Variants in BMP2K observed in about 807,000 individuals in gnomAD.
BMP2K encodes the protein BMP2 inducible kinase.
BMP2K carries 74 observed loss-of-function variants against 116.0 expected under a neutral mutation model. The observed-to-expected ratio is 0.64, with a 90% CI of 0.53 to 0.77. The LOEUF (loss-of-function observed/expected upper bound fraction) is 0.77. BMP2K is among the 30% of genes least tolerant of loss of function. The pLI, the probability that BMP2K is intolerant of heterozygous loss-of-function variation, is 0.00. For missense variants in BMP2K, 1,365 were observed against 1,403.6 expected (o/e 0.97, Z 0.44); for synonymous variants, 486 against 502.5 (o/e 0.97, Z 0.44).
At chr4:78,834,987 C>A (rs1377056560) in intron 3 of BMP2K, among the ~76,000 whole-genome samples, 6 of 151,986 alleles carry the variant, frequency 3.9e-5, no homozygotes, top group Admixed American at 3.3e-4. Flanking sequence ...TTTTTCTACC[C>A]CATTTTCCTG....
At chr4:78,788,928 G>A (rs943808642) in intron 1 of BMP2K, among the ~76,000 whole-genome samples, 1 of 144,734 alleles carries the variant, frequency 6.9e-6, no homozygotes, top group African/African-American at 2.6e-5. Flanking sequence ...ATACACTAAA[G>A]GTATTTCAAA....
intron 8 of BMP2K, among the ~76,000 whole-genome samples, chr4:78,860,353 G>A (rs1731714169): frequency 1.3e-5 from 2 of 151,628 alleles, no homozygotes; most frequent in South Asian, 4.2e-4. Context: ...TTTTTAAAAA[G>A]CACAGGCAAT....
intron 15 of BMP2K, among the ~76,000 whole-genome samples, chr4:78,887,870 AAG>A (rs1733185732): frequency 6.6e-6 from 1 of 152,178 alleles, no homozygotes. Flanking sequence ...AGTGGAAAAA[AAG>A]AGTTTTAATC....
chr4:78,803,831 T>C lies in BMP2K; in HGVS notation c.179-22206T>C, dbSNP rs115308603. 1.4e-3 allele frequency among the ~76,000 whole-genome samples: 210 copies of C among 152,366 alleles called. 1 individual carries two copies. The highest frequency in any genetic ancestry group is 4.9e-3 in the African/African-American group (202 of 41,592). On this transcript the variant is annotated intron_variant, in intron 1 of 15. Coordinates refer to ENST00000502613, the MANE Select transcript of BMP2K (RefSeq NM_198892.2). ...GAGCATAATATATGATGATCCTTCA[T>C]GATTAGGATCATGTGTACCTTTTTA...
chr4:78,890,405 C>CACACAA (rs1733369331), intron 15 of BMP2K, among the ~76,000 whole-genome samples: 1 of 91,704 alleles, frequency 1.1e-5, no homozygotes, highest in African/African-American at 2.1e-4. Flanking sequence ...CAATCATGCG[C>CACACAA]ACACACACAC....
intron 1 of BMP2K, among the ~76,000 whole-genome samples, chr4:78,818,903 T>C (rs563442459): frequency 1.2e-4 from 19 of 152,016 alleles, no homozygotes; most frequent in Non-Finnish European, 2.1e-4. Context: ...ATCAAGCGAT[T>C]CTTGTGCTTC....
chr4:78,910,475 GACA>G (rs1227965148), intron 15 of BMP2K, 132 bp from the exon 16 acceptor site: 89 of 739,816 alleles, frequency 1.2e-4, no homozygotes, highest in Middle Eastern at 3.9e-4. Context: ...ACGAAGAATT[GACA>G]ACATTATTTT....
chr4:78,891,060 G>A (rs953122221), intron 15 of BMP2K, among the ~76,000 whole-genome samples: 3 of 152,076 alleles, frequency 2.0e-5, no homozygotes, highest in Non-Finnish European at 4.4e-5. Flanking sequence ...AATAAACTTT[G>A]CTGCCTAAAA....
chr4:78,803,722 C>T (rs562737162), intron 1 of BMP2K, among the ~76,000 whole-genome samples: 2 of 152,242 alleles, frequency 1.3e-5, no homozygotes, highest in South Asian at 2.1e-4. Flanking sequence ...AATTACTTTC[C>T]TGAGCAAATC....
At chr4:78,780,199 C>T (rs762027727) in intron 1 of BMP2K, among the ~76,000 whole-genome samples, 19 of 152,066 alleles carry the variant, frequency 1.2e-4, no homozygotes, top group African/African-American at 2.7e-4. Flanking sequence ...CCCTAAATGT[C>T]CTTGGTACAA....
At chr4:78,901,103 C>T (rs965362738) in intron 15 of BMP2K, among the ~76,000 whole-genome samples, 3 of 152,096 alleles carry the variant, frequency 2.0e-5, no homozygotes, top group Non-Finnish European at 4.4e-5. Context: ...AGTGCAGTGG[C>T]GTGATCATAG....
chr4:78,847,266 C>T lies in BMP2K; in HGVS notation c.747C>T (p.Ile249=), dbSNP rs143182938. The T allele has an allele frequency of 6.3e-6, 10 of 1,582,020 alleles. No individual in the cohort carries two copies. The African/African-American group carries it at 1.4e-4, about 22-fold the overall frequency. The part of the protein sequence containing the change: ...GGKPITTKAD[I]WALGCLLYKL... ...AACCCATCACCACCAAGGCTGATATCTGGGTAAGGCCAAGAAAGGCTGGAA... is the reference window on the plus strand; with the variant it reads ...AACCCATCACCACCAAGGCTGATATTTGGGTAAGGCCAAGAAAGGCTGGAA... Residue 249 remains isoleucine (I), a synonymous_variant, in exon 6 of 16, where the codon ATC becomes ATT. Transcript: ENST00000502613.
intron 1 of BMP2K, among the ~76,000 whole-genome samples, chr4:78,823,599 G>GGT (rs973395613): frequency 1.4e-5 from 2 of 145,964 alleles, no homozygotes; most frequent in African/African-American, 2.5e-5. Flanking sequence ...TATATATGTA[G>GGT]GTATATATAT....
intron 1 of BMP2K, among the ~76,000 whole-genome samples, chr4:78,823,614 G>GTA (rs765278568): frequency 1.0e-3 from 150 of 146,286 alleles, no homozygotes; most frequent in South Asian, 4.9e-3. Flanking sequence ...ATATATAGGT[G>GTA]TATATATATA....
Position 78,911,874 on chromosome 4 carries a change from T to TG in BMP2K, c.3330dup (p.Ser1111ValfsTer4). On this transcript the variant is annotated frameshift_variant, in exon 16 of 16. Coordinates refer to ENST00000502613, the MANE Select transcript of BMP2K (RefSeq NM_198892.2). LOFTEE classifies it high-confidence loss of function. Reference sequence around the variant, plus strand: ...GGCGGCCAAGACAAAATTCACTACATGGGTCATTCCATAGTGCAGATGTAT... The same window carrying TG: ...GGCGGCCAAGACAAAATTCACTACATGGGGTCATTCCATAGTGCAGATGTAT... 1 of 1,613,992 alleles carries TG rather than the reference T, an allele frequency of 6.2e-7. No individual in the cohort carries two copies. Among genetic ancestry groups the TG allele is most frequent in the Non-Finnish European group, 8.5e-7 (1 of 1,179,880 alleles).
intron 15 of BMP2K, among the ~76,000 whole-genome samples, chr4:78,907,113 T>C (rs1734326056): frequency 6.6e-6 from 1 of 152,190 alleles, no homozygotes; most frequent in South Asian, 2.1e-4. Context: ...TGCTAAATAG[T>C]GAACAGTTAT....
rs201301267 is a variant in BMP2K at position 78,876,851 on chromosome 4, CAT to C, written c.1794-1881_1794-1880del. ...GGCAATTTTATTGTTGTATGAACAT[CAT>C]AGAGTGCATTTACACAAACTTAGAT... is the stretch of plus-strand genomic sequence containing the variant. On this transcript the variant is annotated intron_variant, in intron 13 of 15. Transcript: ENST00000502613. 9.8e-3 allele frequency among the ~76,000 whole-genome samples: 1,495 copies of C among 152,242 alleles called. 26 individuals carry two copies. The highest frequency in any genetic ancestry group is 0.032 in the African/African-American group (1,339 of 41,536).
chr4:78,857,453 C>CA (rs1731556935), intron 7 of BMP2K, among the ~76,000 whole-genome samples: 2 of 152,104 alleles, frequency 1.3e-5, no homozygotes, highest in African/African-American at 4.8e-5. Flanking sequence ...GGTTAGGACA[C>CA]AAAATCTCAA....
intron 15 of BMP2K, 72 bp from the exon 16 acceptor site, chr4:78,910,538 A>C (rs577428868): frequency 8.2e-7 from 1 of 1,220,068 alleles, no homozygotes; most frequent in South Asian, 1.6e-5. Flanking sequence ...TGTGTAATAC[A>C]TATTAACATT....
Sources: allele counts gnomAD v4.1 joint callset (sites outside exome capture counted in the v4.1 genomes callset), GRCh38; gene constraint gnomAD v4.1.1; transcripts MANE v1.5; gene names NCBI Gene and HGNC (gene_info 2026-07-23, HGNC 2026-07-21).